Variants in DARS2 observed in about 807,000 individuals in gnomAD.
The protein encoded by DARS2 is aspartate--tRNA ligase, mitochondrial.
In DARS2, 63 loss-of-function variants were observed where a neutral mutation model predicts 83.0. The ratio of observed to expected loss-of-function variants is 0.76; its 90% CI spans 0.62 to 0.94. DARS2 has a LOEUF of 0.94. Among genes scored for constraint, DARS2 ranks in the 40% least tolerant of loss-of-function variants. DARS2 has a pLI of 0.00. For missense variants in DARS2, 675 were observed against 774.4 expected (o/e 0.87, Z 1.52); for synonymous variants, 250 against 269.3 (o/e 0.93, Z 0.70).
rs9425758 is a variant in DARS2 at position 173,857,915 on chromosome 1, T to C, written c.*210T>C. The C allele has an allele frequency of 0.034, 19,836 of 589,750 alleles. 2,674 individuals carry two copies. Among genetic ancestry groups the C allele is most frequent in the African/African-American group, 0.31 (16,531 of 53,626 alleles). 36.5% of individuals were successfully genotyped at this position (589,750 alleles called of 1,614,324 possible). The stretch of plus-strand genomic sequence containing the variant: ...CATGCATCATTTGGATTTTTTTTGG[T>C]TAGGACTTTTTTTGAAGTTCCTTTT... On this transcript the variant is annotated 3_prime_UTR_variant, in exon 17 of 17. Transcript: ENST00000649689.
rs1653913958 is a variant in DARS2 at position 173,857,851 on chromosome 1, G to A, written c.*146G>A. ...TCCAGGCAACATTCTTCACCACAAC[G>A]AAGAAACAGATAAAAGATACCCAAT... On this transcript the variant is annotated 3_prime_UTR_variant, in exon 17 of 17. Coordinates refer to ENST00000649689, the MANE Select transcript of DARS2 (RefSeq NM_018122.5). 26 of 858,158 alleles carry A rather than the reference G, an allele frequency of 3.0e-5. No individual in the cohort carries two copies. The highest frequency in any genetic ancestry group is 3.3e-4 in the Middle Eastern group (1 of 3,058). 53.2% of individuals were successfully genotyped at this position (858,158 alleles called of 1,614,324 possible). A position where few individuals can be genotyped will look rare whatever the true frequency, so the allele number is the denominator to read the frequency against.
At chr1:173,839,332 G>T in intron 9 of DARS2, 35 bp from the exon 10 acceptor site, 1 of 1,598,952 alleles carries the variant, frequency 6.3e-7, no homozygotes, top group African/African-American at 1.3e-5. Context: ...ATATATTGTG[G>T]CTAAATTAGT....
intron 5 of DARS2, 91 bp from the exon 6 acceptor site, chr1:173,833,285 T>TA: frequency 1.6e-6 from 2 of 1,222,482 alleles, no homozygotes; most frequent in Non-Finnish European, 2.2e-6. Flanking sequence ...AAGACAGAGC[T>TA]AAAATTTTTG....
intron 11 of DARS2, among the ~76,000 whole-genome samples, chr1:173,841,503 T>C (rs749977609): frequency 2.0e-4 from 31 of 152,158 alleles, no homozygotes; most frequent in Non-Finnish European, 3.5e-4. Flanking sequence ...TTTTTTCTTT[T>C]TTTTCCCCCC....
chr1:173,848,149 G>C (rs918874419), intron 12 of DARS2, among the ~76,000 whole-genome samples: 1 of 152,066 alleles, frequency 6.6e-6, no homozygotes, highest in Non-Finnish European at 1.5e-5. Flanking sequence ...CACCGTGCCC[G>C]GCCCTTTTCT....
Position 173,830,642 on chromosome 1 carries a change from T to C in DARS2, c.295-18T>C. On this transcript the variant is annotated intron_variant, in intron 3 of 16. Transcript: ENST00000649689. Reference sequence around the variant, plus strand: ...AGTTCATTTGTTTCTCAGAACTCTTTTCCCCCTTGTTCTGTAGTCGGCAGC... The same window carrying C: ...AGTTCATTTGTTTCTCAGAACTCTTCTCCCCCTTGTTCTGTAGTCGGCAGC... The C allele has an allele frequency of 6.3e-7, 1 of 1,593,658 alleles. No homozygotes were observed. Among genetic ancestry groups the C allele is most frequent in the South Asian group, 1.1e-5 (1 of 90,690 alleles).
chr1:173,832,378 A>C (rs1652823267), intron 5 of DARS2, among the ~76,000 whole-genome samples: 1 of 152,182 alleles, frequency 6.6e-6, no homozygotes, highest in African/African-American at 2.4e-5. Flanking sequence ...GAAAAAGAAA[A>C]TATATAGTTT....
At chr1:173,835,508 C>T (rs1652971031) in intron 7 of DARS2, among the ~76,000 whole-genome samples, 1 of 150,482 alleles carries the variant, frequency 6.6e-6, no homozygotes, top group Non-Finnish European at 1.5e-5. Flanking sequence ...AGTTCAAGAC[C>T]AGCTTGGGCA....
At chr1:173,856,927 A>G (rs1296509093) in intron 16 of DARS2, among the ~76,000 whole-genome samples, 186 bp downstream of exon 16, 1 of 152,336 alleles carries the variant, frequency 6.6e-6, no homozygotes. Flanking sequence ...ATATAACTTA[A>G]CTGATAATTT....
At chr1:173,833,108 G>A (rs1652855375) in intron 5 of DARS2, among the ~76,000 whole-genome samples, 1 of 152,046 alleles carries the variant, frequency 6.6e-6, no homozygotes, top group African/African-American at 2.4e-5. Context: ...ATTCAACTAT[G>A]GGCTTAAATT....
In DARS2 at chr1:173,830,741, C is replaced by G. The variant is rs376767846; in HGVS notation, c.376C>G (p.Pro126Ala). ...VQVSGTVISR[P>A]AGQENPKMPT... ...AGTGTCTGGTACAGTCATTTCCCGT[C>G]CTGCAGGACAAGAGAATCCAGTAGG... The change falls in exon 4 of 17, where the codon CCT (proline) becomes GCT (alanine). Residue 126 changes from proline (P) to alanine (A), a missense_variant. Coordinates refer to ENST00000649689, the MANE Select transcript of DARS2 (RefSeq NM_018122.5). 1 of 1,613,918 alleles carries G rather than the reference C, an allele frequency of 6.2e-7. No individual in the cohort carries two copies. Among genetic ancestry groups the G allele is most frequent in the Non-Finnish European group, 8.5e-7 (1 of 1,179,834 alleles).
intron 5 of DARS2, 62 bp from the exon 6 acceptor site, chr1:173,833,314 A>G (rs1288836031): frequency 1.5e-5 from 21 of 1,446,030 alleles, no homozygotes; most frequent in Non-Finnish European, 1.9e-5. Flanking sequence ...AACTCTTTCT[A>G]AAGATAATAC....
chr1:173,826,718 A>C lies in DARS2; in HGVS notation c.159A>C (p.Thr53=), dbSNP rs774331699. Residue 53 remains threonine, a synonymous_variant, in exon 2 of 17, where the codon ACA becomes ACC. Coordinates refer to ENST00000649689, the MANE Select transcript of DARS2 (RefSeq NM_018122.5). ...GTAGCTTTGTTGTCCGGACCAACAC[A>C]TGTGGAGAGTTGCGTTCGTCTCACT... The part of the protein sequence containing the change: ...EFSSFVVRTN[T]CGELRSSHLG... 6.2e-7 allele frequency: 1 copy of C among 1,610,310 alleles called. No homozygotes were observed. Among genetic ancestry groups the C allele is most frequent in the Admixed American group, 1.7e-5 (1 of 59,572 alleles).
At position 173,853,778 on chromosome 1, in the gene DARS2, A is replaced by T; in HGVS notation, c.1564-17A>T. The T allele has an allele frequency of 6.2e-7, 1 of 1,603,272 alleles. No homozygotes were observed. The highest frequency in any genetic ancestry group is 1.3e-5 in the African/African-American group (1 of 74,792). ...CCAGACATTTTCTCTAACATAAAGT[A>T]TCTGTGAATCTTCTAGGCCCGTAGC... On this transcript the variant is annotated splice_polypyrimidine_tract_variant and intron_variant, in intron 14 of 16. Transcript: ENST00000649689.
At chr1:173,834,881 C>A (rs1285894451) in intron 7 of DARS2, among the ~76,000 whole-genome samples, 1 of 146,892 alleles carries the variant, frequency 6.8e-6, no homozygotes, top group Non-Finnish European at 1.5e-5. Context: ...TGGATCCAAG[C>A]GATTCTCATG....
intron 11 of DARS2, 127 bp from the exon 12 acceptor site, chr1:173,845,102 T>A: frequency 1.4e-6 from 1 of 697,676 alleles, no homozygotes; most frequent in East Asian, 2.8e-5. Context: ...GCCCAGACAT[T>A]GAATTTTTAT....
At chr1:173,846,385 T>C (rs548595426) in intron 12 of DARS2, among the ~76,000 whole-genome samples, 1 of 152,104 alleles carries the variant, frequency 6.6e-6, no homozygotes, top group South Asian at 2.1e-4. Flanking sequence ...TCCCAGCTGC[T>C]TGGGAGACTG....
intron 10 of DARS2, 44 bp from the exon 11 acceptor site, chr1:173,840,822 A>G (rs1349969840): frequency 9.3e-7 from 1 of 1,071,032 alleles, no homozygotes; most frequent in Non-Finnish European, 1.5e-6. Context: ...TCAGATAAAA[A>G]TTACTTCATA....
At chr1:173,836,866 CTAGT>C in intron 7 of DARS2, 70 bp from the exon 8 acceptor site, 1 of 1,187,470 alleles carries the variant, frequency 8.4e-7, no homozygotes. Flanking sequence ...ACAACTTCTA[CTAGT>C]TAGTTATACT....
Sources: gnomAD v4.1 joint callset for allele counts (sites outside exome capture counted in the v4.1 genomes callset) on GRCh38, gnomAD v4.1.1 for gene constraint, MANE v1.5 for transcripts, NCBI Gene and HGNC (gene_info 2026-07-23, HGNC 2026-07-21) for gene names.